PPM1L: variants seen among roughly 807,000 people sequenced by gnomAD.
PPM1L encodes protein phosphatase 1L.
A neutral mutation model predicts 31.4 loss-of-function variants in PPM1L; 13 were observed. The observed-to-expected ratio is 0.41, with a 90% confidence interval of 0.27 to 0.66. The LOEUF (loss-of-function observed/expected upper bound fraction) is 0.66. PPM1L is among the 30% of genes least tolerant of loss of function. PPM1L has a pLI of 0.29. For missense variants in PPM1L, 326 were observed against 453.7 expected (o/e 0.72, Z 2.56); for synonymous variants, 184 against 175.4 (o/e 1.05, Z -0.39).
intron 1 of PPM1L, among the ~76,000 whole-genome samples, chr3:160,907,653 A>G (rs1452559192): frequency 6.6e-6 from 1 of 152,216 alleles, no homozygotes; most frequent in Non-Finnish European, 1.5e-5. Context: ...AATGAATACT[A>G]AAGCGTGGCA....
At chr3:160,901,031 G>T (rs1358998334) in intron 1 of PPM1L, among the ~76,000 whole-genome samples, 1 of 151,966 alleles carries the variant, frequency 6.6e-6, no homozygotes, top group African/African-American at 2.4e-5. Flanking sequence ...ACTTGCTTTT[G>T]TTCATCTCCC....
rs1188215524 is a variant in PPM1L, at chr3:160,808,416, T to TGCGCGTGCGTGC, written c.399+51710_399+51711insCGCGTGCGTGCG. Among the ~76,000 whole-genome samples the TGCGCGTGCGTGC allele has an allele frequency of 3.9e-3, 510 of 129,306 alleles. 6 individuals are homozygous for TGCGCGTGCGTGC. The highest frequency in any genetic ancestry group is 7.6e-3 in the Middle Eastern group (2 of 262). The allele number at this position is 129,306 out of a possible 152,430, so 84.8% of individuals were successfully genotyped here. On this transcript the variant is annotated intron_variant, in intron 1 of 3. Transcript: ENST00000498165. ...GTGTGTGTGTGTGTGTGTGTGTGTG[T>TGCGCGTGCGTGC]GTGTGTGGTGGGTGAGGGAAGCTGG... is the stretch of plus-strand genomic sequence containing the variant.
intron 1 of PPM1L, among the ~76,000 whole-genome samples, chr3:160,955,201 G>A (rs921188595): frequency 2.0e-5 from 3 of 151,926 alleles, no homozygotes; most frequent in African/African-American, 7.3e-5. Context: ...AGTAGAGACA[G>A]GGTTTCACCA....
intron 1 of PPM1L, among the ~76,000 whole-genome samples, chr3:160,910,664 T>C (rs1347655980): frequency 6.6e-6 from 1 of 152,188 alleles, no homozygotes; most frequent in Non-Finnish European, 1.5e-5. Flanking sequence ...TATTTTCTTT[T>C]CCATTTTAAA....
chr3:160,966,177 C>T (rs114108506), intron 2 of PPM1L, among the ~76,000 whole-genome samples: 1,869 of 152,120 alleles, frequency 0.012, 44 homozygotes, highest in African/African-American at 0.043. Context: ...TCAGTTCTCA[C>T]CTAGAATCTA....
At chr3:160,816,082 T>C (rs558577222) in intron 1 of PPM1L, among the ~76,000 whole-genome samples, 2 of 152,246 alleles carry the variant, frequency 1.3e-5, no homozygotes, top group South Asian at 2.1e-4. Context: ...TTTCCATAGA[T>C]CTCTTAATTT....
chr3:161,009,054 A>G (rs2108060620), intron 2 of PPM1L, among the ~76,000 whole-genome samples: 1 of 152,342 alleles, frequency 6.6e-6, no homozygotes, highest in South Asian at 2.1e-4. Context: ...AGCCGCAGAC[A>G]GGGAAGAAAA....
chr3:161,029,496 GAGA>G (rs1718501130), intron 2 of PPM1L, among the ~76,000 whole-genome samples: 2 of 152,162 alleles, frequency 1.3e-5, no homozygotes, highest in Admixed American at 6.6e-5. Flanking sequence ...TTTAAACTTT[GAGA>G]AGAAGAAAGC....
At chr3:160,917,587 A>G (rs1385496441) in intron 1 of PPM1L, among the ~76,000 whole-genome samples, 1 of 152,206 alleles carries the variant, frequency 6.6e-6, no homozygotes, top group Non-Finnish European at 1.5e-5. Flanking sequence ...GATTTTCATA[A>G]GACTGGTTAT....
chr3:160,926,324 C>T (rs1576718965), intron 1 of PPM1L, among the ~76,000 whole-genome samples: 1 of 152,240 alleles, frequency 6.6e-6, no homozygotes, highest in South Asian at 2.1e-4. Context: ...GTGGGAACTG[C>T]AGTTTACAGA....
intron 1 of PPM1L, among the ~76,000 whole-genome samples, chr3:160,862,091 T>C (rs1207805456): frequency 1.3e-5 from 2 of 152,050 alleles, no homozygotes; most frequent in Admixed American, 6.6e-5. Flanking sequence ...CGTGGACATA[T>C]TTGAGGGGGG....
At chr3:160,815,351 A>G (rs1712962229) in intron 1 of PPM1L, among the ~76,000 whole-genome samples, 1 of 152,126 alleles carries the variant, frequency 6.6e-6, no homozygotes, top group Non-Finnish European at 1.5e-5. Context: ...TGAATTCTCC[A>G]AGCACAACTG....
chr3:160,963,742 A>AT (rs1041675909), intron 2 of PPM1L, among the ~76,000 whole-genome samples: 11 of 151,972 alleles, frequency 7.2e-5, no homozygotes, highest in Admixed American at 4.6e-4. Context: ...CCACCACTCA[A>AT]TTTTTTCCTG....
At chr3:160,820,020 AT>A (rs1394284298) in intron 1 of PPM1L, among the ~76,000 whole-genome samples, 2 of 152,090 alleles carry the variant, frequency 1.3e-5, no homozygotes, top group Non-Finnish European at 2.9e-5. Context: ...TTATTTTGAC[AT>A]CATATTTTAA....
At chr3:160,803,966 G>A (rs901136584) in intron 1 of PPM1L, among the ~76,000 whole-genome samples, 5 of 152,200 alleles carry the variant, frequency 3.3e-5, no homozygotes, top group African/African-American at 1.2e-4. Flanking sequence ...CGCCCAGGAT[G>A]GAGTACAGTG....
intron 2 of PPM1L, among the ~76,000 whole-genome samples, chr3:161,002,614 T>G: frequency 6.8e-6 from 1 of 147,270 alleles, no homozygotes; most frequent in Non-Finnish European, 1.5e-5. Flanking sequence ...TTTCATGTGT[T>G]TTTTGGCTGC....
intron 1 of PPM1L, among the ~76,000 whole-genome samples, chr3:160,840,823 G>C (rs1344168628): frequency 6.6e-6 from 1 of 151,972 alleles, no homozygotes; most frequent in Non-Finnish European, 1.5e-5. Flanking sequence ...AGGAGAGAGA[G>C]AGAGAAAGAG....
At chr3:161,065,635 T>C (rs1719716015) in intron 3 of PPM1L, 71 bp downstream of exon 3, 1 of 1,470,280 alleles carries the variant, frequency 6.8e-7, no homozygotes, top group Non-Finnish European at 9.4e-7. Flanking sequence ...CTTGGAGAGC[T>C]CCTGGATAAA....
intron 1 of PPM1L, among the ~76,000 whole-genome samples, chr3:160,867,386 T>A (rs1712130819): frequency 6.6e-6 from 1 of 151,018 alleles, no homozygotes; most frequent in African/African-American, 2.4e-5. Context: ...TGTATTACTA[T>A]CCTTTTTTCA....
Sources: allele counts gnomAD v4.1 joint callset (sites outside exome capture counted in the v4.1 genomes callset), GRCh38; gene constraint gnomAD v4.1.1; transcripts MANE v1.5; gene names NCBI Gene and HGNC (gene_info 2026-07-23, HGNC 2026-07-21).